The following NRXN3 variants were observed in gnomAD, a reference collection of about 807,000 sequenced individuals.
NRXN3 encodes the protein neurexin III.
A neutral mutation model predicts 137.6 loss-of-function variants in NRXN3; 32 were observed. The observed-to-expected ratio is 0.23, with a 90% CI of 0.18 to 0.31. The LOEUF is 0.31. Among genes scored for constraint, NRXN3 ranks in the 10% least tolerant of loss-of-function variants. NRXN3 has a pLI of 1.00. For synonymous variants in NRXN3, 798 were observed against 784.5 expected, an observed-to-expected ratio of 1.02 and a Z score of -0.29; for missense variants, 1,574 against 2,062.5, an observed-to-expected ratio of 0.76 and a Z score of 4.59.
intron 20 of NRXN3, among the ~76,000 whole-genome samples, chr14:79,823,170 C>G (rs1218152168): frequency 6.6e-6 from 1 of 152,050 alleles, no homozygotes; most frequent in African/African-American, 2.4e-5. Context: ...CTCATCCCCT[C>G]TCCTCTTTTT....
intron 16 of NRXN3, among the ~76,000 whole-genome samples, chr14:79,659,280 A>C (rs745518906): frequency 6.6e-6 from 1 of 152,100 alleles, no homozygotes. Flanking sequence ...TCAAGGAAGA[A>C]TATAGATTGA....
chr14:78,484,864 AAATT>A (rs1218110253), intron 4 of NRXN3, among the ~76,000 whole-genome samples: 2 of 152,190 alleles, frequency 1.3e-5, no homozygotes, highest in Non-Finnish European at 2.9e-5. Flanking sequence ...AGGGGTGGGG[AAATT>A]AATTAATGTC....
intron 15 of NRXN3, among the ~76,000 whole-genome samples, chr14:79,268,050 G>A (rs1342221990): frequency 6.6e-6 from 1 of 152,112 alleles, no homozygotes; most frequent in African/African-American, 2.4e-5. Context: ...AGAAAGATAT[G>A]GTAAATTTAT....
intron 15 of NRXN3, among the ~76,000 whole-genome samples, chr14:79,080,240 C>T (rs927839394): frequency 2.6e-5 from 4 of 152,244 alleles, no homozygotes; most frequent in African/African-American, 4.8e-5. Flanking sequence ...TGAGGTTAAG[C>T]GTCTAAAGTG....
intron 16 of NRXN3, among the ~76,000 whole-genome samples, chr14:79,622,651 T>C (rs1378016981): frequency 1.3e-5 from 2 of 152,056 alleles, no homozygotes; most frequent in East Asian, 3.9e-4. Context: ...GGCTGGAGTG[T>C]AATGGCGCAA....
chr14:78,223,488 G>A (rs2064100080), intron 1 of NRXN3, among the ~76,000 whole-genome samples: 1 of 152,180 alleles, frequency 6.6e-6, no homozygotes, highest in Non-Finnish European at 1.5e-5. Context: ...AAATGTAATA[G>A]TGCTTTTTCC....
chr14:79,454,615 G>A (rs190767927), intron 15 of NRXN3, among the ~76,000 whole-genome samples: 12 of 152,300 alleles, frequency 7.9e-5, no homozygotes, highest in Non-Finnish European at 1.5e-5. Flanking sequence ...CTAAAACGAT[G>A]TTGAATAATA....
At chr14:78,850,798 T>C (rs148567457) in intron 10 of NRXN3, among the ~76,000 whole-genome samples, 67 of 152,128 alleles carry the variant, frequency 4.4e-4, no homozygotes, top group African/African-American at 1.6e-3. Flanking sequence ...AAACCTCTTA[T>C]GAAAAAGAAA....
rs2098224399 is a variant in NRXN3, at chr14:78,696,198, T to C, written c.1222-13019T>C. Among the ~76,000 whole-genome samples the C allele has an allele frequency of 2.0e-5, 3 of 152,020 alleles. 1 individual carries two copies. Among genetic ancestry groups the C allele is most frequent in the Non-Finnish European group, 4.4e-5 (3 of 67,986 alleles). On this transcript the variant is annotated intron_variant, in intron 6 of 20. Transcript: ENST00000335750. ...AAGAATCTTAGTTTCTCTTCTGTTGTAGAGAGAGGATAGTAATAGTTGCTA... is the reference window on the plus strand; with the variant it reads ...AAGAATCTTAGTTTCTCTTCTGTTGCAGAGAGAGGATAGTAATAGTTGCTA...
intron 19 of NRXN3, among the ~76,000 whole-genome samples, chr14:79,717,726 A>T (rs532861802): frequency 6.6e-6 from 1 of 152,132 alleles, no homozygotes; most frequent in South Asian, 2.1e-4. Context: ...GCCCTTTCTT[A>T]TCTTGGTTTT....
intron 15 of NRXN3, among the ~76,000 whole-genome samples, chr14:79,190,970 A>C (rs1167004989): frequency 2.0e-5 from 3 of 152,234 alleles, no homozygotes; most frequent in African/African-American, 4.8e-5. Flanking sequence ...GTACACATAC[A>C]TAATTGTCTC....
At chr14:78,272,529 C>A (rs2072944500) in intron 2 of NRXN3, among the ~76,000 whole-genome samples, 1 of 152,142 alleles carries the variant, frequency 6.6e-6, no homozygotes, top group South Asian at 2.1e-4. Context: ...CAGAATGGGC[C>A]CCTCTAAAAC....
At chr14:79,778,182 C>T (rs927088801) in intron 19 of NRXN3, among the ~76,000 whole-genome samples, 10 of 151,978 alleles carry the variant, frequency 6.6e-5, no homozygotes, top group African/African-American at 1.7e-4. Context: ...TTTGGGAGGC[C>T]GAGGCAGGTG....
intron 15 of NRXN3, among the ~76,000 whole-genome samples, chr14:79,207,955 G>A (rs952173383): frequency 6.6e-6 from 1 of 152,084 alleles, no homozygotes; most frequent in African/African-American, 2.4e-5. Flanking sequence ...TAAGTACTTT[G>A]TGGAGTAGGT....
In NRXN3 at chr14:79,742,207, T is replaced by C. The variant is rs559810249; in HGVS notation, c.4014+44270T>C. 8.8e-4 allele frequency among the ~76,000 whole-genome samples: 130 copies of C among 147,352 alleles called. 4 individuals are homozygous for C. In the South Asian group the frequency reaches 0.027, roughly 31 times the overall value. On this transcript the variant is annotated intron_variant, in intron 19 of 20. Coordinates refer to ENST00000335750, the MANE Select transcript of NRXN3 (RefSeq NM_001330195.2). ...ACAAGGGATTACATTATACACTACC[T>C]CTAAACTCAAATTTTCTGAGCACTT...
chr14:78,199,040 T>C (rs144252258), intron 1 of NRXN3, among the ~76,000 whole-genome samples: 97 of 152,228 alleles, frequency 6.4e-4, no homozygotes, highest in Middle Eastern at 6.8e-3. Flanking sequence ...ATGGCAGAAA[T>C]GCGAAAAGTG....
At chr14:78,506,125 C>T (rs1337011708) in intron 4 of NRXN3, among the ~76,000 whole-genome samples, 1 of 152,142 alleles carries the variant, frequency 6.6e-6, no homozygotes, top group Non-Finnish European at 1.5e-5. Flanking sequence ...TTCCCCATTT[C>T]TCCCTCCCCT....
intron 15 of NRXN3, among the ~76,000 whole-genome samples, chr14:79,340,897 G>A (rs1006551725): frequency 6.6e-6 from 1 of 152,138 alleles, no homozygotes; most frequent in Non-Finnish European, 1.5e-5. Flanking sequence ...TGAGAAATAA[G>A]CCTCTTTCTT....
At chr14:79,678,499 T>A (rs921416180) in intron 17 of NRXN3, among the ~76,000 whole-genome samples, 4 of 152,122 alleles carry the variant, frequency 2.6e-5, no homozygotes, top group Admixed American at 2.6e-4. Context: ...TTAGTATATA[T>A]CCTCTATAAT....
Sources: gnomAD v4.1 joint callset for allele counts (sites outside exome capture counted in the v4.1 genomes callset) on GRCh38, gnomAD v4.1.1 for gene constraint, MANE v1.5 for transcripts, NCBI Gene and HGNC (gene_info 2026-07-23, HGNC 2026-07-21) for gene names.